The following PRORP variants were observed in gnomAD, a reference collection of about 807,000 sequenced individuals.
PRORP encodes the protein protein only RNase P catalytic subunit.
A neutral mutation model predicts 59.4 loss-of-function variants in PRORP; 51 were observed. That is an observed-to-expected ratio of 0.86 (90% CI 0.69 to 1.08). The LOEUF (loss-of-function observed/expected upper bound fraction) is 1.08. PRORP is among the 50% of genes least tolerant of loss of function. The pLI is 0.00. For missense variants in PRORP, 646 were observed against 690.3 expected (o/e 0.94, Z 0.72); for synonymous variants, 231 against 245.6 (o/e 0.94, Z 0.55).
chr14:35,221,419 TTCTG>T (rs1270961681), intron 5 of PRORP, among the ~76,000 whole-genome samples: 8 of 152,196 alleles, frequency 5.3e-5, no homozygotes, highest in Admixed American at 2.0e-4. Flanking sequence ...CTGCTGTTGA[TTCTG>T]TCTTTCTTTA....
At chr14:35,145,249 A>G (rs946494771) in intron 4 of PRORP, among the ~76,000 whole-genome samples, 2 of 145,192 alleles carry the variant, frequency 1.4e-5, no homozygotes, top group African/African-American at 4.9e-5. Flanking sequence ...CTGGGATTAC[A>G]GGCGTGAGCT....
At chr14:35,253,710 A>G (rs775809937) in intron 5 of PRORP, among the ~76,000 whole-genome samples, 1 of 152,096 alleles carries the variant, frequency 6.6e-6, no homozygotes, top group Non-Finnish European at 1.5e-5. Context: ...CTTATCTGAC[A>G]TGGTGTCCCC....
At chr14:35,237,305 C>T (rs533956921) in intron 5 of PRORP, among the ~76,000 whole-genome samples, 13 of 152,122 alleles carry the variant, frequency 8.5e-5, no homozygotes, top group African/African-American at 7.2e-5. Flanking sequence ...GTTGCCCAGG[C>T]GGATCTCAAA....
intron 4 of PRORP, among the ~76,000 whole-genome samples, chr14:35,131,957 A>T (rs2047252303): frequency 6.6e-6 from 1 of 151,784 alleles, no homozygotes; most frequent in African/African-American, 2.4e-5. Flanking sequence ...CTCCTGCCTC[A>T]GCCTCCCAAG....
chr14:35,148,221 C>T (rs988987709), intron 4 of PRORP, among the ~76,000 whole-genome samples: 2 of 152,210 alleles, frequency 1.3e-5, no homozygotes, highest in South Asian at 2.1e-4. Flanking sequence ...CAATCACTGT[C>T]TATGACAGCT....
intron 4 of PRORP, among the ~76,000 whole-genome samples, chr14:35,167,437 A>T (rs558981742): frequency 2.0e-3 from 303 of 152,270 alleles, no homozygotes; most frequent in African/African-American, 6.2e-3. Flanking sequence ...ATTACCATTG[A>T]TTACTATTGG....
chr14:35,193,932 CCTT>C (rs1355638075), intron 5 of PRORP, among the ~76,000 whole-genome samples: 4 of 152,250 alleles, frequency 2.6e-5, no homozygotes, highest in East Asian at 3.9e-4. Flanking sequence ...ACTTGGGTGT[CCTT>C]CTTTGAAGAA....
At chr14:35,156,402 A>C (rs7146682) in intron 4 of PRORP, among the ~76,000 whole-genome samples, 1 of 152,024 alleles carries the variant, frequency 6.6e-6, no homozygotes, top group Non-Finnish European at 1.5e-5. Context: ...ATGCATATGG[A>C]TTGAGCTACC....
chr14:35,246,807 T>C (rs1385297401), intron 5 of PRORP, among the ~76,000 whole-genome samples: 1 of 152,202 alleles, frequency 6.6e-6, no homozygotes, highest in Non-Finnish European at 1.5e-5. Context: ...CAAAAGAAAC[T>C]CTTTTTTCTC....
intron 4 of PRORP, among the ~76,000 whole-genome samples, chr14:35,159,613 A>G (rs762367813): frequency 2.0e-5 from 3 of 152,236 alleles, no homozygotes; most frequent in Non-Finnish European, 4.4e-5. Context: ...AATGCTTGGC[A>G]TCCAGTAGGT....
In PRORP at chr14:35,229,809, C is replaced by A. The variant is rs575938024; in HGVS notation, c.1276-36918C>A. Among the ~76,000 whole-genome samples, 6 of 152,218 alleles carry A rather than the reference C, an allele frequency of 3.9e-5. No homozygotes were observed. The East Asian group carries it at 7.7e-4, about 20-fold the overall frequency. On this transcript the variant is annotated intron_variant, in intron 5 of 7. Transcript: ENST00000534898. ...TTTCATTCACTGGATTTTTTTCAAA[C>A]AATCACAAGCTTTCTTTATCACTCA...
intron 4 of PRORP, among the ~76,000 whole-genome samples, chr14:35,166,376 CTCT>C (rs1198972135): frequency 6.6e-6 from 1 of 151,434 alleles, no homozygotes; most frequent in African/African-American, 2.4e-5. Flanking sequence ...CGAATTTGTC[CTCT>C]TCTTTGAGGG....
At chr14:35,237,017 C>T (rs1335409649) in intron 5 of PRORP, among the ~76,000 whole-genome samples, 2 of 148,206 alleles carry the variant, frequency 1.3e-5, no homozygotes. Context: ...CTCCTTCCTT[C>T]CCTCCTTCTC....
intron 4 of PRORP, among the ~76,000 whole-genome samples, chr14:35,171,289 A>G (rs2138993856): frequency 6.6e-6 from 1 of 152,308 alleles, no homozygotes; most frequent in Admixed American, 6.5e-5. Context: ...CAGCTTTAGC[A>G]TTCCTTATGT....
At chr14:35,210,116 A>G (rs896388845) in intron 5 of PRORP, among the ~76,000 whole-genome samples, 3 of 152,230 alleles carry the variant, frequency 2.0e-5, no homozygotes, top group Admixed American at 6.5e-5. Flanking sequence ...GGTTGTCATT[A>G]AAATCCATAA....
intron 5 of PRORP, among the ~76,000 whole-genome samples, chr14:35,202,463 G>A (rs1425989728): frequency 6.6e-6 from 1 of 151,970 alleles, no homozygotes; most frequent in Non-Finnish European, 1.5e-5. Context: ...CTTTTTGGAG[G>A]ATTAGCATGT....
At position 35,165,206 on chromosome 14, in the gene PRORP, T is replaced by A. The variant is rs561661184; in HGVS notation, c.1168-15464T>A. Among the ~76,000 whole-genome samples, 11 of 152,248 alleles carry A rather than the reference T, an allele frequency of 7.2e-5. 1 individual carries two copies. In the South Asian group the frequency reaches 2.1e-3, roughly 29 times the overall value. On this transcript the variant is annotated intron_variant, in intron 4 of 7. Coordinates refer to ENST00000534898, the MANE Select transcript of PRORP (RefSeq NM_014672.4). ...TGAATTTCTTAGTTTTGAGATGGGG[T>A]CTTACTACGTTGCCCAGGCTGACCT...
chr14:35,171,523 A>G (rs558358286), intron 4 of PRORP, among the ~76,000 whole-genome samples: 3 of 152,114 alleles, frequency 2.0e-5, no homozygotes, highest in African/African-American at 4.8e-5. Flanking sequence ...CATTTGTATC[A>G]TTATTCCTTT....
chr14:35,123,158 C>T lies in PRORP; in HGVS notation c.-88C>T. ...TAAAAAGTTCCACTTCGACTCTGCA[C>T]CGCCGACCCCCAATCTCTTTAATTT... On this transcript the variant is annotated 5_prime_UTR_variant, in exon 2 of 8. Transcript: ENST00000534898. The T allele has an allele frequency of 2.2e-6, 3 of 1,374,290 alleles. No homozygotes were observed. Among genetic ancestry groups the T allele is most frequent in the South Asian group, 2.7e-5 (2 of 73,870 alleles). The allele number at this position is 1,374,290 out of a possible 1,614,324, so 85.1% of individuals were successfully genotyped here.
Sources: allele counts gnomAD v4.1 joint callset (sites outside exome capture counted in the v4.1 genomes callset), GRCh38; gene constraint gnomAD v4.1.1; transcripts MANE v1.5; gene names NCBI Gene and HGNC (gene_info 2026-07-23, HGNC 2026-07-21).